Variants in RYR3 observed in about 807,000 individuals in gnomAD.
RYR3 encodes brain ryanodine receptor-calcium release channel.
In RYR3, 207 loss-of-function variants were observed where a neutral mutation model predicts 584.3. The ratio of observed to expected loss-of-function variants is 0.35; its 90% CI spans 0.32 to 0.40. The LOEUF is 0.40. Ranked by LOEUF, RYR3 falls within the 10% of genes least tolerant of loss-of-function variation. The pLI is 1.00. For synonymous variants in RYR3, 2,416 were observed against 2,248.5 expected (o/e 1.07, Z -2.11); for missense variants, 5,616 against 6,089.2 (o/e 0.92, Z 2.59).
chr15:33,550,831 A>G (rs1369305), intron 10 of RYR3, among the ~76,000 whole-genome samples: 108,715 of 152,066 alleles, frequency 0.71, 40,518 homozygotes, highest in Middle Eastern at 0.9. Context: ...TGGACATAAC[A>G]TTATCTTGCA....
intron 45 of RYR3, among the ~76,000 whole-genome samples, chr15:33,725,119 TCTTC>T (rs2068251017): frequency 6.7e-6 from 1 of 149,720 alleles, no homozygotes; most frequent in South Asian, 2.1e-4. Flanking sequence ...GGTGCCCCAT[TCTTC>T]CTTCCTTACT....
intron 34 of RYR3, among the ~76,000 whole-genome samples, chr15:33,661,063 G>A (rs181885418): frequency 1.7e-3 from 255 of 152,282 alleles, no homozygotes; most frequent in African/African-American, 6.0e-3. Context: ...AAAGGGTTGA[G>A]GTATTTGACA....
At chr15:33,824,477 C>T (rs1167677750) in intron 81 of RYR3, among the ~76,000 whole-genome samples, 1 of 152,158 alleles carries the variant, frequency 6.6e-6, no homozygotes, top group East Asian at 1.9e-4. Context: ...GCAACTATGT[C>T]CAAATGTTCT....
intron 37 of RYR3, among the ~76,000 whole-genome samples, 169 bp from the exon 38 acceptor site, chr15:33,670,248 TTC>T (rs1244473407): frequency 6.6e-6 from 1 of 152,166 alleles, no homozygotes; most frequent in African/African-American, 2.4e-5. Flanking sequence ...TATTTTTTTT[TTC>T]AAAAGCTATA....
intron 64 of RYR3, among the ~76,000 whole-genome samples, chr15:33,774,141 A>G (rs1049350871): frequency 2.0e-5 from 3 of 152,230 alleles, no homozygotes; most frequent in African/African-American, 4.8e-5. Flanking sequence ...AGCTGACTGC[A>G]GAAGCGTGTG....
chr15:33,646,253 C>A, intron 28 of RYR3, 98 bp from the exon 29 acceptor site: 1 of 1,033,102 alleles, frequency 9.7e-7, no homozygotes, highest in Admixed American at 2.3e-5. Context: ...CTGTAGTTCA[C>A]AGAATGCCTT....
intron 28 of RYR3, 33 bp downstream of exon 28, chr15:33,644,552 G>C: frequency 1.9e-6 from 3 of 1,559,818 alleles, no homozygotes; most frequent in Non-Finnish European, 2.6e-6. Context: ...GCCCTGGCAG[G>C]TCAGGTGGGC....
rs764258244 is a variant in RYR3, at chr15:33,738,491, C to T, written c.7557C>T (p.Cys2519=). The T allele has an allele frequency of 6.2e-6, 10 of 1,613,936 alleles. No homozygotes were observed. Among genetic ancestry groups the T allele is most frequent in the Non-Finnish European group, 6.8e-6 (8 of 1,179,874 alleles). The change falls in exon 50 of 104, where the codon TGC becomes TGT. Residue 2519 remains cysteine, a synonymous_variant. Transcript: ENST00000634891. The part of the protein sequence containing the change: ...NHYEQCWKYY[C]LPSGWGSYGL... ...ATGAACAGTGTTGGAAGTATTACTG[C>T]CTGCCTTCAGGATGGGGGAGCTACG...
intron 45 of RYR3, among the ~76,000 whole-genome samples, chr15:33,725,380 A>G (rs1361374348): frequency 4.6e-5 from 7 of 152,158 alleles, no homozygotes; most frequent in African/African-American, 1.4e-4. Context: ...TCAGCATACC[A>G]TCCAGCCCAC....
At chr15:33,314,616 A>G (rs1184508026) in intron 1 of RYR3, among the ~76,000 whole-genome samples, 3 of 152,204 alleles carry the variant, frequency 2.0e-5, no homozygotes, top group South Asian at 4.1e-4. Context: ...CACAATGTTA[A>G]TTGAAACAGA....
At chr15:33,439,732 G>A (rs2141857065) in intron 1 of RYR3, among the ~76,000 whole-genome samples, 2 of 152,276 alleles carry the variant, frequency 1.3e-5, no homozygotes, top group East Asian at 3.9e-4. Flanking sequence ...TAATATGGAT[G>A]CCATGGGGTT....
chr15:33,530,298 A>G (rs1252421206), intron 3 of RYR3, among the ~76,000 whole-genome samples: 1 of 152,168 alleles, frequency 6.6e-6, no homozygotes, highest in Non-Finnish European at 1.5e-5. Context: ...AGCAGTACCT[A>G]TGTCACTTAC....
intron 19 of RYR3, among the ~76,000 whole-genome samples, chr15:33,616,746 C>G (rs1034642502): frequency 2.0e-5 from 3 of 152,190 alleles, no homozygotes; most frequent in African/African-American, 7.2e-5. Context: ...AGCTTCCTGT[C>G]TCTCAGGAAA....
At chr15:33,634,328 G>T (rs1335941491) in intron 24 of RYR3, among the ~76,000 whole-genome samples, 1 of 152,190 alleles carries the variant, frequency 6.6e-6, no homozygotes, top group Non-Finnish European at 1.5e-5. Flanking sequence ...TGGGATTACA[G>T]GCATGAGCCA....
At chr15:33,613,137 G>T (rs936335811) in intron 18 of RYR3, 46 bp from the exon 19 acceptor site, 3 of 1,486,560 alleles carry the variant, frequency 2.0e-6, no homozygotes, top group Non-Finnish European at 2.8e-6. Flanking sequence ...AGCCTAGCAG[G>T]TGCCTCCAGA....
rs1354340664 is a variant in RYR3 at position 33,786,085 on chromosome 15, T to G, written c.9589+103T>G. On this transcript the variant is annotated intron_variant, in intron 66 of 103. Transcript: ENST00000634891. ...CCAAGATGGTTTTGCACAAGCTCTATTCTATATTTAAACCTCCCCATGCCC... is the reference window on the plus strand; with the variant it reads ...CCAAGATGGTTTTGCACAAGCTCTAGTCTATATTTAAACCTCCCCATGCCC... 3 of 1,067,136 alleles carry G rather than the reference T, an allele frequency of 2.8e-6. No individual in the cohort carries two copies. The Admixed American group carries it at 7.5e-5, about 27-fold the overall frequency. 66.1% of individuals were successfully genotyped at this position (1,067,136 alleles called of 1,614,324 possible).
At position 33,857,351 on chromosome 15, in the gene RYR3, C is replaced by G. The variant is rs543055480; in HGVS notation, c.14008-429C>G. 3.6e-4 allele frequency among the ~76,000 whole-genome samples: 54 copies of G among 152,070 alleles called. 1 individual carries two copies. Among genetic ancestry groups the G allele is most frequent in the African/African-American group, 1.3e-3 (52 of 41,468 alleles). Reference sequence around the variant, plus strand: ...TCCCTTCACGTGTGCCTGTGTCTAGCCTCTCTCTCTGTGTCTCCAACTCCT... The same window carrying G: ...TCCCTTCACGTGTGCCTGTGTCTAGGCTCTCTCTCTGTGTCTCCAACTCCT... On this transcript the variant is annotated intron_variant, in intron 98 of 103. Coordinates refer to ENST00000634891, the MANE Select transcript of RYR3 (RefSeq NM_001036.6).
At chr15:33,357,329 A>C (rs1044640527) in intron 1 of RYR3, among the ~76,000 whole-genome samples, 2 of 152,228 alleles carry the variant, frequency 1.3e-5, no homozygotes, top group African/African-American at 4.8e-5. Flanking sequence ...TTGTTTTGGA[A>C]AACTTAATTT....
chr15:33,454,895 G>T (rs1450192952), intron 1 of RYR3, among the ~76,000 whole-genome samples: 1 of 152,166 alleles, frequency 6.6e-6, no homozygotes, highest in Non-Finnish European at 1.5e-5. Flanking sequence ...GGAGGAACTT[G>T]AACTTCAGCT....
Sources: allele counts gnomAD v4.1 joint callset (sites outside exome capture counted in the v4.1 genomes callset), GRCh38; gene constraint gnomAD v4.1.1; transcripts MANE v1.5; gene names NCBI Gene and HGNC (gene_info 2026-07-23, HGNC 2026-07-21).